The following GCNT2 variants were observed in gnomAD, a reference collection of about 807,000 sequenced individuals.
GCNT2 encodes the protein N-acetyllactosaminide beta-1,6-N-acetylglucosaminyl-transferase.
Under a neutral mutation model 34.2 loss-of-function variants are expected in GCNT2, and 34 were observed. That is an observed-to-expected ratio of 1.00 (90% confidence interval 0.76 to 1.32). The LOEUF (loss-of-function observed/expected upper bound fraction) is 1.32. Ranked by LOEUF, GCNT2 falls within the 40% of genes most tolerant of loss-of-function variation. The pLI is 0.00. For synonymous variants in GCNT2, 212 were observed against 188.0 expected (o/e 1.13, Z -1.04); for missense variants, 584 against 489.4 (o/e 1.19, Z -1.82).
chr6:10,575,607 G>C (rs899167517), intron 3 of GCNT2, among the ~76,000 whole-genome samples: 2 of 152,140 alleles, frequency 1.3e-5, no homozygotes, highest in African/African-American at 4.8e-5. Context: ...TGACTTGCAC[G>C]TATATGCCCA....
chr6:10,611,077 G>A (rs1349004653), intron 3 of GCNT2, among the ~76,000 whole-genome samples: 1 of 152,066 alleles, frequency 6.6e-6, no homozygotes, highest in Non-Finnish European at 1.5e-5. Context: ...CTTTTAGTAA[G>A]TTTCTCGTGT....
At position 10,528,814 on chromosome 6, in the gene GCNT2, G is replaced by C. The variant is rs985374638; in HGVS notation, c.-98G>C. On this transcript the variant is annotated 5_prime_UTR_variant, in exon 3 of 5. Coordinates refer to ENST00000495262, the MANE Select transcript of GCNT2 (RefSeq NM_145649.5). Reference sequence around the variant, plus strand: ...GCCAGACGAGAGCTTCAGCCATCACGAGGATGATTTCGGAACCTGGAGAAA... The same window carrying C: ...GCCAGACGAGAGCTTCAGCCATCACCAGGATGATTTCGGAACCTGGAGAAA... 1.2e-5 allele frequency: 11 copies of C among 953,616 alleles called. No individual in the cohort carries two copies. The highest frequency in any genetic ancestry group is 1.1e-4 in the African/African-American group (7 of 62,590). The allele number at this position is 953,616 out of a possible 1,614,324, so 59.1% of individuals were successfully genotyped here.
At chr6:10,614,558 G>A (rs189568123) in intron 3 of GCNT2, among the ~76,000 whole-genome samples, 38 of 150,720 alleles carry the variant, frequency 2.5e-4, no homozygotes, top group African/African-American at 8.6e-4. Context: ...GCTGGGAAGC[G>A]GAGGTTGCAG....
chr6:10,606,923 T>C (rs1407424521), intron 3 of GCNT2, among the ~76,000 whole-genome samples: 1 of 151,862 alleles, frequency 6.6e-6, no homozygotes, highest in Non-Finnish European at 1.5e-5. Context: ...TACCTGAGAC[T>C]AGGTAATTTA....
rs142803712 is a variant in GCNT2, at chr6:10,536,985, C to T, written c.925+7149C>T. On this transcript the variant is annotated intron_variant, in intron 3 of 4. Transcript: ENST00000495262. Reference sequence around the variant, plus strand: ...TTCACCATGTTGGCCAGGCTGGTCTCGAACTCCTGACCTGGTGGTCTGCCC... The same window carrying T: ...TTCACCATGTTGGCCAGGCTGGTCTTGAACTCCTGACCTGGTGGTCTGCCC... Among the ~76,000 whole-genome samples the T allele has an allele frequency of 5.6e-3, 846 of 152,050 alleles. 10 individuals carry two copies. Among genetic ancestry groups the T allele is most frequent in the African/African-American group, 0.019 (807 of 41,500 alleles).
chr6:10,589,442 A>T (rs911408582), intron 3 of GCNT2, among the ~76,000 whole-genome samples: 1 of 151,326 alleles, frequency 6.6e-6, no homozygotes, highest in Non-Finnish European at 1.5e-5. Context: ...GTGTCTGTGT[A>T]GACAGCAACT....
intron 3 of GCNT2, among the ~76,000 whole-genome samples, chr6:10,549,884 A>C (rs969887591): frequency 2.0e-5 from 3 of 152,024 alleles, no homozygotes; most frequent in Non-Finnish European, 4.4e-5. Context: ...ATGACTTGTA[A>C]CCAAGGTTTC....
At chr6:10,550,558 A>G (rs1762439469) in intron 3 of GCNT2, among the ~76,000 whole-genome samples, 1 of 152,080 alleles carries the variant, frequency 6.6e-6, no homozygotes, top group Admixed American at 6.6e-5. Context: ...TGGCACCATC[A>G]TGGCTTACCG....
At chr6:10,582,160 G>GTATAAAATATTTTA (rs1162897667) in intron 3 of GCNT2, among the ~76,000 whole-genome samples, 1 of 128,482 alleles carries the variant, frequency 7.8e-6, no homozygotes, top group East Asian at 2.1e-4. Context: ...ATATGTATGT[G>GTATAAAATATTTTA]TATAAAATAT....
intron 3 of GCNT2, among the ~76,000 whole-genome samples, chr6:10,534,114 C>G (rs1002943765): frequency 4.2e-5 from 6 of 143,984 alleles, no homozygotes; most frequent in African/African-American, 1.5e-4. Context: ...ATGTCTTCCC[C>G]TGGTATCTGC....
rs187194823 is a variant in GCNT2 at position 10,543,201 on chromosome 6, C to T, written c.925+13365C>T. On this transcript the variant is annotated intron_variant, in intron 3 of 4. Coordinates refer to ENST00000495262, the MANE Select transcript of GCNT2 (RefSeq NM_145649.5). ...AGGATTACAGGAGTGAGCCACCACGCCCGGCCCTTTTTTTTAAATTGAGAC... is the reference window on the plus strand; with the variant it reads ...AGGATTACAGGAGTGAGCCACCACGTCCGGCCCTTTTTTTTAAATTGAGAC... 2.1e-4 allele frequency among the ~76,000 whole-genome samples: 32 copies of T among 151,518 alleles called. 1 individual carries two copies. The East Asian group carries it at 6.2e-3, about 29-fold the overall frequency.
chr6:10,606,944 A>G (rs1316978303), intron 3 of GCNT2, among the ~76,000 whole-genome samples: 1 of 151,608 alleles, frequency 6.6e-6, no homozygotes, highest in East Asian at 1.9e-4. Context: ...TTTATTATTT[A>G]TTTTTATTAT....
chr6:10,585,074 TGTGTGCGC>T (rs1561818569), intron 3 of GCNT2, among the ~76,000 whole-genome samples: 20 of 96,148 alleles, frequency 2.1e-4, no homozygotes, highest in African/African-American at 1.3e-3. Flanking sequence ...TGTGTGTGTG[TGTGTGCGC>T]GCTATATTCT....
intron 3 of GCNT2, chr6:10,556,376 GACTT>G (rs1399756973): frequency 1.2e-6 from 2 of 1,611,178 alleles, no homozygotes; most frequent in South Asian, 1.1e-5. Flanking sequence ...TTGGAAAAAA[GACTT>G]ACAGATTTTG....
rs1761970430 is a variant in GCNT2 at position 10,540,090 on chromosome 6, AGGAAAGGAAGGAAG to A, written c.925+10256_925+10269del. Among the ~76,000 whole-genome samples the A allele has an allele frequency of 2.0e-5, 3 of 151,264 alleles. No homozygotes were observed. The South Asian group carries it at 6.2e-4, about 31-fold the overall frequency. ...GAGACCCCATCTCAAAAAAAAAGGA[AGGAAAGGAAGGAAG>A]GAAAAGGAAGAAAGTAAAGGATGGA... On this transcript the variant is annotated intron_variant, in intron 3 of 4. Transcript: ENST00000495262.
chr6:10,550,618 G>A (rs1762440729), intron 3 of GCNT2, among the ~76,000 whole-genome samples: 2 of 152,114 alleles, frequency 1.3e-5, no homozygotes, highest in African/African-American at 4.8e-5. Flanking sequence ...AGCCACCCAA[G>A]TAGATGGCAT....
chr6:10,580,014 G>A (rs546520732), intron 3 of GCNT2, among the ~76,000 whole-genome samples: 1 of 152,150 alleles, frequency 6.6e-6, no homozygotes, highest in South Asian at 2.1e-4. Flanking sequence ...CTTTGCATCT[G>A]CTTAGCTATA....
chr6:10,541,038 C>T (rs995100713), intron 3 of GCNT2, among the ~76,000 whole-genome samples: 4 of 152,118 alleles, frequency 2.6e-5, no homozygotes, highest in Non-Finnish European at 5.9e-5. Flanking sequence ...AGTTCGGGTA[C>T]GTGTGCAGGA....
chr6:10,582,343 T>C (rs1460553152), intron 3 of GCNT2, among the ~76,000 whole-genome samples: 10 of 117,886 alleles, frequency 8.5e-5, no homozygotes, highest in African/African-American at 2.1e-4. Context: ...TACTATATAA[T>C]ATATAGTAAT....
Sources: gnomAD v4.1 joint callset for allele counts (sites outside exome capture counted in the v4.1 genomes callset) on GRCh38, gnomAD v4.1.1 for gene constraint, MANE v1.5 for transcripts, NCBI Gene and HGNC (gene_info 2026-07-23, HGNC 2026-07-21) for gene names.